Variants in FIGNL2 observed in about 807,000 individuals in gnomAD.
FIGNL2 encodes fidgetin like 2, also known as fidgetin-like protein 2.
For synonymous variants in FIGNL2, 565 were observed against 484.0 expected (o/e 1.17, Z -2.20); for missense variants, 1,060 against 950.2 (o/e 1.12, Z -1.52).
At chr12:51,824,816 G>A (rs1939301656) in intron 1 of FIGNL2, among the ~76,000 whole-genome samples, 1 of 152,202 alleles carries the variant, frequency 6.6e-6, no homozygotes, top group African/African-American at 2.4e-5. Flanking sequence ...GGCCGAGGCT[G>A]GTGGATCACC....
chr12:51,832,644 C>T (rs897892645), intron 1 of FIGNL2, among the ~76,000 whole-genome samples: 3 of 152,062 alleles, frequency 2.0e-5, no homozygotes, highest in Non-Finnish European at 4.4e-5. Flanking sequence ...CCTTCTTTTC[C>T]CTCTCCATGG....
chr12:51,822,021 G>GC lies in FIGNL2; in HGVS notation c.392dup (p.Ser132LeufsTer10). On this transcript the variant is annotated frameshift_variant, in exon 2 of 2. Coordinates refer to ENST00000618634, the MANE Select transcript of FIGNL2 (RefSeq NM_001384995.1). LOFTEE classifies it low-confidence loss of function (END_TRUNC). ...GGAGGTTCCCGGCTAAAACTGGGGA[G>GC]CCCCCCAGGGCCCCGGAACCGCCGC... 1 of 1,601,118 alleles carries GC rather than the reference G, an allele frequency of 6.2e-7. No individual in the cohort carries two copies. Among genetic ancestry groups the GC allele is most frequent in the Non-Finnish European group, 8.5e-7 (1 of 1,174,792 alleles).
At chr12:51,828,731 C>T (rs922700849) in intron 1 of FIGNL2, among the ~76,000 whole-genome samples, 3 of 152,192 alleles carry the variant, frequency 2.0e-5, no homozygotes, top group Non-Finnish European at 4.4e-5. Flanking sequence ...CCAGGCCACC[C>T]TGGCTTCCTG....
chr12:51,835,230 C>T (rs1199080984), intron 1 of FIGNL2: 1 of 151,894 alleles, frequency 6.6e-6, no homozygotes, highest in Non-Finnish European at 1.5e-5. Flanking sequence ...CCTTAGATGC[C>T]TCAAAGTCTA....
chr12:51,840,894 G>A (rs1311296504), intron 1 of FIGNL2, among the ~76,000 whole-genome samples: 1 of 152,206 alleles, frequency 6.6e-6, no homozygotes, highest in Non-Finnish European at 1.5e-5. Context: ...GTCTGTTTGG[G>A]TGGCATGTGG....
intron 1 of FIGNL2, chr12:51,847,372 G>A: frequency 1.0e-6 from 1 of 985,458 alleles, no homozygotes. Context: ...GAGTTGGGCT[G>A]GAACCGGGTC....
At position 51,820,514 on chromosome 12, in the gene FIGNL2, C is replaced by T. The variant is rs1274956801; in HGVS notation, c.1900G>A (p.Ala634Thr). ...AACGAGTCCAGTTCCTTGGCAGAGG[C>T]CCTAGGGCCCACCTTGGCCAGCGCC... The part of the protein sequence containing the change: ...EAALAKVGPR[A>T]SAKELDSFVE... Residue 634 changes from alanine to threonine, a missense_variant, in exon 2 of 2, where the codon GCC (alanine) becomes ACC (threonine). By Grantham distance (58) the Ala-to-Thr change is moderately conservative. Coordinates refer to ENST00000618634, the MANE Select transcript of FIGNL2 (RefSeq NM_001384995.1). The T allele has an allele frequency of 1.9e-6, 3 of 1,575,720 alleles. No homozygotes were observed. The highest frequency in any genetic ancestry group is 2.3e-5 in the South Asian group (2 of 87,144).
At chr12:51,844,180 C>CGGACTTACAA (rs1939706840) in intron 1 of FIGNL2, among the ~76,000 whole-genome samples, 1 of 152,090 alleles carries the variant, frequency 6.6e-6, no homozygotes, top group Admixed American at 6.6e-5. Flanking sequence ...GTCACTTGTC[C>CGGACTTACAA]GGAGTTACAT....
At chr12:51,844,891 G>C (rs1027915879) in intron 1 of FIGNL2, 11 of 985,246 alleles carry the variant, frequency 1.1e-5, no homozygotes, top group Non-Finnish European at 1.3e-5. Context: ...CGGTCCTACT[G>C]CAAGTAATAT....
rs888527945 is a variant in FIGNL2, at chr12:51,821,151, G to A, written c.1263C>T (p.Ser421=). The part of the protein sequence containing the change: ...PLLRPPAYPG[S]LRPPRTVLLF... ...GCAGGACGGTCCGCGGCGGGCGCAG[G>A]CTGCCCGGGTAGGCGGGCGGCCTGA... is the stretch of plus-strand genomic sequence containing the variant. The change falls in exon 2 of 2, where the codon AGC becomes AGT. Residue 421 remains serine, a synonymous_variant. Transcript: ENST00000618634. The A allele has an allele frequency of 1.9e-5, 28 of 1,467,156 alleles. No individual in the cohort carries two copies. The African/African-American group carries it at 4.0e-4, about 21-fold the overall frequency. The allele number at this position is 1,467,156 out of a possible 1,614,324, so 90.9% of individuals were successfully genotyped here.
intron 1 of FIGNL2, among the ~76,000 whole-genome samples, chr12:51,834,135 G>GGACA (rs1939538943): frequency 6.9e-5 from 10 of 145,358 alleles, no homozygotes; most frequent in South Asian, 4.2e-4. Context: ...ATGGATGGAT[G>GGACA]GATGGATGAT....
chr12:51,845,738 G>T lies in FIGNL2; in HGVS notation c.-12+2802C>A. On this transcript the variant is annotated intron_variant, in intron 1 of 1. Coordinates refer to ENST00000618634, the MANE Select transcript of FIGNL2 (RefSeq NM_001384995.1). ...CGACGGCAGGGGGAGGGGAAGGCAG[G>T]GCTCCTAAGGGTCCAGCAATGGCAG... 3 of 905,242 alleles carry T rather than the reference G, an allele frequency of 3.3e-6. No individual in the cohort carries two copies. In the South Asian group the frequency reaches 1.5e-4, roughly 46 times the overall value. The allele number at this position is 905,242 out of a possible 1,614,324, so 56.1% of individuals were successfully genotyped here. A position where few individuals can be genotyped will look rare whatever the true frequency, so the allele number is the denominator to read the frequency against.
chr12:51,822,546 C>G, intron 1 of FIGNL2, 122 bp from the exon 2 acceptor site: 1 of 1,056,360 alleles, frequency 9.5e-7, no homozygotes. Flanking sequence ...CGGCATCCAC[C>G]ACCTACCGCC....
chr12:51,847,880 C>G (rs763773959), intron 1 of FIGNL2: 96 of 963,300 alleles, frequency 1.0e-4, no homozygotes, highest in Non-Finnish European at 1.1e-4. Flanking sequence ...CCCTTGTTGC[C>G]TGTAGCCCCA....
chr12:51,845,508 G>A lies in FIGNL2; in HGVS notation c.-12+3032C>T, dbSNP rs376449696. ...CCCTGAAGGGGGTCTCAGGGCTGCAGAGCACAGGGGCACTGGGGCCTGGAG... is the reference window on the plus strand; with the variant it reads ...CCCTGAAGGGGGTCTCAGGGCTGCAAAGCACAGGGGCACTGGGGCCTGGAG... On this transcript the variant is annotated intron_variant, in intron 1 of 1. Transcript: ENST00000618634. The A allele has an allele frequency of 2.3e-5, 23 of 985,380 alleles. No homozygotes were observed. The African/African-American group carries it at 4.0e-4, about 17-fold the overall frequency. 61.0% of individuals were successfully genotyped at this position (985,380 alleles called of 1,614,324 possible).
At chr12:51,844,765 C>T (rs902070956) in intron 1 of FIGNL2, 170 of 985,244 alleles carry the variant, frequency 1.7e-4, no homozygotes, top group Non-Finnish European at 2.0e-4. Context: ...TCTCTCCAAG[C>T]CACATAGTCA....
Position 51,821,360 on chromosome 12 carries a change from C to T in FIGNL2, c.1054G>A (p.Ala352Thr). 2.7e-6 allele frequency: 4 copies of T among 1,501,956 alleles called. No homozygotes were observed. Among genetic ancestry groups the T allele is most frequent in the Non-Finnish European group, 3.5e-6 (4 of 1,128,810 alleles). The allele number at this position is 1,501,956 out of a possible 1,614,324, so 93.0% of individuals were successfully genotyped here. A position where few individuals can be genotyped will look rare whatever the true frequency, so the allele number is the denominator to read the frequency against. Reference protein sequence around the residue: ...LEPFEKFPERAPAPRGGFAVP... With the variant: ...LEPFEKFPERTPAPRGGFAVP... ...GCGAACCCCCCACGAGGAGCCGGGG[C>T]CCGCTCCGGGAACTTTTCAAAGGGC... The change falls in exon 2 of 2, where the codon GCC becomes ACC. Residue 352 changes from alanine to threonine, a missense_variant. Ala to Thr is a moderately conservative substitution (Grantham distance 58, BLOSUM62 0). Transcript: ENST00000618634.
chr12:51,830,943 C>T (rs1048054795), intron 1 of FIGNL2, among the ~76,000 whole-genome samples: 1 of 152,054 alleles, frequency 6.6e-6, no homozygotes, highest in African/African-American at 2.4e-5. Context: ...TACATGCCAC[C>T]GAGCTTGGCT....
chr12:51,824,791 C>G (rs1200672345), intron 1 of FIGNL2, among the ~76,000 whole-genome samples: 2 of 152,210 alleles, frequency 1.3e-5, no homozygotes, highest in African/African-American at 4.8e-5. Context: ...TGCCTGTAAT[C>G]CCAACACTTT....
Sources: gnomAD v4.1 joint callset for allele counts (sites outside exome capture counted in the v4.1 genomes callset) on GRCh38, gnomAD v4.1.1 for gene constraint, MANE v1.5 for transcripts, NCBI Gene and HGNC (gene_info 2026-07-23, HGNC 2026-07-21) for gene names.